The following KIAA2012 variants were observed in gnomAD, a reference collection of about 807,000 sequenced individuals.
KIAA2012 encodes uncharacterized protein KIAA2012.
Under a neutral mutation model 150.6 loss-of-function variants are expected in KIAA2012, and 125 were observed. The observed-to-expected ratio is 0.83, with a 90% confidence interval of 0.72 to 0.96. The LOEUF (loss-of-function observed/expected upper bound fraction) is 0.96, where lower values mean the gene tolerates loss of function less well. Ranked by LOEUF, KIAA2012 falls within the 40% of genes least tolerant of loss-of-function variation. The pLI, the probability that KIAA2012 is intolerant of heterozygous loss-of-function variation, is 0.00. For synonymous variants in KIAA2012, 462 were observed against 504.7 expected, an observed-to-expected ratio of 0.92 and a Z score of 1.13; for missense variants, 1,219 against 1,354.9, an observed-to-expected ratio of 0.90 and a Z score of 1.57.
chr2:202,106,637 A>C (rs1158905102), intron 9 of KIAA2012, among the ~76,000 whole-genome samples: 1 of 152,188 alleles, frequency 6.6e-6, no homozygotes. Context: ...CAGGGAGCTG[A>C]GATTGTGCCA....
At chr2:202,097,338 T>C (rs1267845443) in intron 4 of KIAA2012, 97 bp from the exon 5 acceptor site, 9 of 1,513,950 alleles carry the variant, frequency 5.9e-6, no homozygotes, top group Non-Finnish European at 8.0e-6. Flanking sequence ...CTTGAGCACT[T>C]TTACTCAGAG....
chr2:202,118,863 A>G (rs1184783508), intron 11 of KIAA2012, among the ~76,000 whole-genome samples: 3 of 152,210 alleles, frequency 2.0e-5, no homozygotes, highest in African/African-American at 7.2e-5. Flanking sequence ...CTACTAAAAC[A>G]CAGTAGGGAC....
intron 21 of KIAA2012, among the ~76,000 whole-genome samples, chr2:202,195,143 TATG>T: frequency 6.6e-6 from 1 of 152,164 alleles, no homozygotes; most frequent in East Asian, 1.9e-4. Flanking sequence ...TTGGCACATA[TATG>T]ATATGTAATT....
intron 22 of KIAA2012, chr2:202,201,731 G>T: frequency 2.7e-6 from 4 of 1,479,450 alleles, no homozygotes; most frequent in Admixed American, 1.7e-5. Context: ...AGCCCCTGGG[G>T]TGCACAAAGC....
At chr2:202,120,762 C>T (rs973517302) in intron 11 of KIAA2012, among the ~76,000 whole-genome samples, 8 of 152,068 alleles carry the variant, frequency 5.3e-5, no homozygotes, top group Non-Finnish European at 1.2e-4. Context: ...TGAGTAGATC[C>T]CCCTCATCTA....
intron 15 of KIAA2012, chr2:202,179,741 A>C: frequency 1.5e-6 from 1 of 649,452 alleles, no homozygotes; most frequent in Non-Finnish European, 2.9e-6. Flanking sequence ...TTTCAGTCAG[A>C]TCCATCTGGA....
In KIAA2012 at chr2:202,073,606, G is replaced by C; in HGVS notation, c.-22G>C. On this transcript the variant is annotated 5_prime_UTR_variant, in exon 1 of 24. Coordinates refer to ENST00000498697, the MANE Select transcript of KIAA2012 (RefSeq NM_001277372.4). ...CAAAACCAAGATGGACTGCCCTTGAGAAGGGGTGGTCAGAGGGAAACATGT... is the reference window on the plus strand; with the variant it reads ...CAAAACCAAGATGGACTGCCCTTGACAAGGGGTGGTCAGAGGGAAACATGT... 1 of 1,549,094 alleles carries C rather than the reference G, an allele frequency of 6.5e-7. No homozygotes were observed. Among genetic ancestry groups the C allele is most frequent in the Non-Finnish European group, 8.7e-7 (1 of 1,146,154 alleles).
rs1268400906 is a variant in KIAA2012, at chr2:202,093,150, C to A, written c.650C>A (p.Ser217Ter). ...PKYHLLPVFP[S>*]FWIQQGKSFE... ...TACCATCTCCTGCCTGTCTTCCCTTCATTTTGGATTCAACAAGGAAAATCT... is the reference window on the plus strand; with the variant it reads ...TACCATCTCCTGCCTGTCTTCCCTTAATTTTGGATTCAACAAGGAAAATCT... The change falls in exon 4 of 24, where the codon TCA (serine) becomes TAA (stop). Residue 217 changes from serine (S) to a stop codon, truncating the protein, a stop_gained. Coordinates refer to ENST00000498697, the MANE Select transcript of KIAA2012 (RefSeq NM_001277372.4). LOFTEE classifies it high-confidence loss of function. The A allele has an allele frequency of 1.3e-6, 2 of 1,551,232 alleles. No homozygotes were observed. Among genetic ancestry groups the A allele is most frequent in the Non-Finnish European group, 1.7e-6 (2 of 1,147,104 alleles).
At chr2:202,169,475 C>T (rs1048219076) in intron 15 of KIAA2012, among the ~76,000 whole-genome samples, 4 of 152,176 alleles carry the variant, frequency 2.6e-5, no homozygotes, top group African/African-American at 9.7e-5. Context: ...CAACAGGCAA[C>T]AGGTAACTAA....
At chr2:202,097,887 G>A (rs1689934128) in intron 5 of KIAA2012, among the ~76,000 whole-genome samples, 2 of 152,162 alleles carry the variant, frequency 1.3e-5, no homozygotes, top group East Asian at 3.9e-4. Context: ...ACCGAGCCTA[G>A]CCAGAGGTAC....
chr2:202,096,025 A>C (rs1434602064), intron 4 of KIAA2012, among the ~76,000 whole-genome samples: 1 of 152,280 alleles, frequency 6.6e-6, no homozygotes, highest in African/African-American at 2.4e-5. Context: ...TGGAGGTTGC[A>C]GTGAGCCAAG....
intron 22 of KIAA2012, chr2:202,201,271 A>G (rs1692517949): frequency 3.2e-6 from 5 of 1,557,898 alleles, no homozygotes; most frequent in Non-Finnish European, 4.4e-6. Flanking sequence ...ACATCCCAAC[A>G]ACATGTGTCT....
At chr2:202,140,091 G>A (rs1451094090) in intron 13 of KIAA2012, among the ~76,000 whole-genome samples, 2 of 152,150 alleles carry the variant, frequency 1.3e-5, no homozygotes, top group Non-Finnish European at 2.9e-5. Flanking sequence ...AGCTGGGCAT[G>A]GTGGCGCACA....
chr2:202,186,372 C>T (rs1457836869), intron 16 of KIAA2012, among the ~76,000 whole-genome samples: 3 of 152,154 alleles, frequency 2.0e-5, no homozygotes, highest in African/African-American at 4.8e-5. Flanking sequence ...ATTAGCCGGA[C>T]GTGGTGGTGG....
Position 202,138,511 on chromosome 2 carries a change from A to G in KIAA2012, c.1908+3A>G. ...TGACCCAAACAACAGAGAAGCAGGT[A>G]TAGTATTGACTCTGAATGAGGATGA... On this transcript the variant is annotated splice_donor_region_variant and intron_variant, in intron 13 of 23. Transcript: ENST00000498697. 6.5e-7 allele frequency: 1 copy of G among 1,547,366 alleles called. No individual in the cohort carries two copies. Among genetic ancestry groups the G allele is most frequent in the Non-Finnish European group, 8.7e-7 (1 of 1,144,224 alleles).
chr2:202,082,716 C>G (rs1306381851), intron 2 of KIAA2012, among the ~76,000 whole-genome samples: 2 of 152,030 alleles, frequency 1.3e-5, no homozygotes, highest in African/African-American at 4.8e-5. Context: ...TGCCATGAAG[C>G]TTTTCCCCTA....
intron 22 of KIAA2012, chr2:202,201,879 C>T: frequency 8.6e-7 from 1 of 1,161,466 alleles, no homozygotes; most frequent in Non-Finnish European, 1.3e-6. Context: ...TTGACCTTTG[C>T]TGTTCATGGT....
chr2:202,194,486 A>C, intron 21 of KIAA2012, 124 bp downstream of exon 21: 1 of 1,020,478 alleles, frequency 9.8e-7, no homozygotes, highest in Non-Finnish European at 1.4e-6. Context: ...TAAATAATAT[A>C]AACTATTTTT....
intron 10 of KIAA2012, among the ~76,000 whole-genome samples, chr2:202,111,043 C>T (rs1351011857): frequency 1.3e-5 from 2 of 152,110 alleles, no homozygotes; most frequent in Non-Finnish European, 2.9e-5. Flanking sequence ...TGTGTGACAG[C>T]AATGCTCTTT....
Sources: allele counts gnomAD v4.1 joint callset (sites outside exome capture counted in the v4.1 genomes callset), GRCh38; gene constraint gnomAD v4.1.1; transcripts MANE v1.5; gene names NCBI Gene and HGNC (gene_info 2026-07-23, HGNC 2026-07-21).